KCNU1: variants seen among roughly 807,000 people sequenced by gnomAD.
KCNU1 encodes potassium channel subfamily U member 1.
KCNU1 carries 93 observed loss-of-function variants against 126.8 expected under a neutral mutation model. The ratio of observed to expected loss-of-function variants is 0.73; its 90% CI spans 0.62 to 0.87. KCNU1 has a LOEUF of 0.87. Ranked by LOEUF, KCNU1 falls within the 40% of genes least tolerant of loss-of-function variation. KCNU1 has a pLI of 0.00. For synonymous variants in KCNU1, 523 were observed against 494.2 expected (o/e 1.06, Z -0.77); for missense variants, 1,330 against 1,367.1 (o/e 0.97, Z 0.43).
intron 18 of KCNU1, among the ~76,000 whole-genome samples, chr8:36,850,911 T>G (rs1805319626): frequency 6.6e-6 from 1 of 152,266 alleles, no homozygotes. Flanking sequence ...GATTTATTTC[T>G]GGGTGTCAAT....
chr8:36,860,310 CT>C (rs1213346164), intron 18 of KCNU1, among the ~76,000 whole-genome samples: 5 of 152,230 alleles, frequency 3.3e-5, no homozygotes, highest in Non-Finnish European at 7.4e-5. Flanking sequence ...ATCTCCTGAC[CT>C]CTTGATCCAC....
intron 22 of KCNU1, among the ~76,000 whole-genome samples, chr8:36,916,667 GC>G (rs1027941213): frequency 3.3e-5 from 5 of 152,166 alleles, no homozygotes. Flanking sequence ...ATGATCTCTA[GC>G]CATCTGTGTA....
intron 18 of KCNU1, among the ~76,000 whole-genome samples, chr8:36,849,432 T>C (rs1805266525): frequency 6.6e-6 from 1 of 151,976 alleles, no homozygotes; most frequent in South Asian, 2.1e-4. Context: ...GTACTAAAAA[T>C]ACAAAAATTA....
chr8:36,865,610 TAAAA>T (rs36114647), intron 19 of KCNU1, among the ~76,000 whole-genome samples: 1 of 138,228 alleles, frequency 7.2e-6, no homozygotes, highest in Non-Finnish European at 1.6e-5. Context: ...CTGCAAAAAT[TAAAA>T]AAAAAAAAAA....
At position 36,817,739 on chromosome 8, in the gene KCNU1, C is replaced by T. The variant is rs1345043038; in HGVS notation, c.1085C>T (p.Thr362Ile). The part of the protein sequence containing the change: ...FLRDKSGEIN[T>I]EIVFLGETPP... ...CGCGACAAGTCAGGAGAGATCAACA[C>T]TGAAATTGTTTTCCTGGGAGAGTAA... The change falls in exon 10 of 27, where the codon ACT becomes ATT. Residue 362 changes from threonine to isoleucine, a missense_variant. Thr to Ile is a moderately conservative substitution (Grantham distance 89). Transcript: ENST00000399881. 1.9e-6 allele frequency: 3 copies of T among 1,601,664 alleles called. No individual in the cohort carries two copies. The highest frequency in any genetic ancestry group is 2.6e-6 in the Non-Finnish European group (3 of 1,168,822).
intron 18 of KCNU1, among the ~76,000 whole-genome samples, chr8:36,850,716 G>T (rs927665546): frequency 2.0e-5 from 3 of 152,084 alleles, no homozygotes; most frequent in African/African-American, 7.2e-5. Context: ...CTCAATCTCC[G>T]AAAGTGCTGG....
rs149318069 is a variant in KCNU1 at position 36,896,473 on chromosome 8, G to T, written c.2010-9235G>T. On this transcript the variant is annotated intron_variant, in intron 19 of 26. Coordinates refer to ENST00000399881, the MANE Select transcript of KCNU1 (RefSeq NM_001031836.3). ...TTGTTGGAAAATTCAGAAAAGTAGG[G>T]GTAAATAATACTTTTAAAGAGAAAT... Among the ~76,000 whole-genome samples the T allele has an allele frequency of 2.7e-3, 407 of 151,874 alleles. 4 individuals are homozygous for T. The highest frequency in any genetic ancestry group is 9.5e-3 in the African/African-American group (392 of 41,454).
chr8:36,825,651 T>C (rs1358964256), intron 10 of KCNU1, among the ~76,000 whole-genome samples: 1 of 152,204 alleles, frequency 6.6e-6, no homozygotes, highest in East Asian at 1.9e-4. Context: ...CTGAATAATG[T>C]ACATTGTACC....
intron 10 of KCNU1, among the ~76,000 whole-genome samples, chr8:36,819,060 G>C (rs989984857): frequency 1.3e-5 from 2 of 152,052 alleles, no homozygotes; most frequent in African/African-American, 4.8e-5. Flanking sequence ...TCTAACATGC[G>C]TTGTTGTATG....
In KCNU1 at chr8:36,787,657, T is replaced by G. The variant is rs371865688; in HGVS notation, c.315+232T>G. On this transcript the variant is annotated intron_variant, in intron 2 of 26. Transcript: ENST00000399881. ...ATTACTAATAATTAGATTATATTATTATAATAATTTTATAATATTAATATA... is the reference window on the plus strand; with the variant it reads ...ATTACTAATAATTAGATTATATTATGATAATAATTTTATAATATTAATATA... 1.8e-4 allele frequency among the ~76,000 whole-genome samples: 26 copies of G among 147,960 alleles called. 1 individual carries two copies. In the Middle Eastern group the frequency reaches 0.014, roughly 82 times the overall value.
At chr8:36,824,162 A>C (rs769359040) in intron 10 of KCNU1, among the ~76,000 whole-genome samples, 7 of 152,120 alleles carry the variant, frequency 4.6e-5, no homozygotes, top group Non-Finnish European at 8.8e-5. Context: ...TTTATTCCAA[A>C]ATATAATTCA....
At chr8:36,887,349 T>G (rs956768484) in intron 19 of KCNU1, among the ~76,000 whole-genome samples, 2 of 152,152 alleles carry the variant, frequency 1.3e-5, no homozygotes, top group African/African-American at 4.8e-5. Flanking sequence ...AAAGGTGATA[T>G]CTCATTGTGG....
chr8:36,819,766 A>G (rs1020982920), intron 10 of KCNU1, among the ~76,000 whole-genome samples: 3 of 152,068 alleles, frequency 2.0e-5, no homozygotes, highest in African/African-American at 7.2e-5. Context: ...ATCACAATCT[A>G]TAATTGTGGT....
chr8:36,919,322 C>T (rs1420729014), intron 23 of KCNU1, among the ~76,000 whole-genome samples: 1 of 150,136 alleles, frequency 6.7e-6, no homozygotes, highest in African/African-American at 2.5e-5. Flanking sequence ...ATGTGGGGTA[C>T]AGACTTAGAG....
intron 16 of KCNU1, among the ~76,000 whole-genome samples, chr8:36,844,495 T>C (rs999362956): frequency 2.6e-5 from 4 of 152,220 alleles, no homozygotes; most frequent in South Asian, 2.1e-4. Context: ...CTTCCAAAGT[T>C]AAAACCAATT....
intron 20 of KCNU1, among the ~76,000 whole-genome samples, chr8:36,907,353 T>C (rs911944818): frequency 1.3e-5 from 2 of 152,204 alleles, no homozygotes; most frequent in African/African-American, 2.4e-5. Flanking sequence ...ATTGCCTCTC[T>C]AGCTGTGCCC....
chr8:36,796,288 A>G (rs1803095728), intron 2 of KCNU1, among the ~76,000 whole-genome samples: 1 of 152,094 alleles, frequency 6.6e-6, no homozygotes, highest in South Asian at 2.1e-4. Context: ...TACTTCACGG[A>G]ATTTATGGAG....
intron 2 of KCNU1, among the ~76,000 whole-genome samples, chr8:36,792,064 T>G (rs1802922544): frequency 6.6e-6 from 1 of 152,188 alleles, no homozygotes; most frequent in South Asian, 2.1e-4. Context: ...CTTGTTTATG[T>G]TTTTTTCTAC....
At chr8:36,872,233 T>C (rs767690322) in intron 19 of KCNU1, among the ~76,000 whole-genome samples, 20 of 152,184 alleles carry the variant, frequency 1.3e-4, no homozygotes, top group Non-Finnish European at 2.6e-4. Flanking sequence ...CCTTTCATCA[T>C]GGATCAGGGA....
Sources: allele counts gnomAD v4.1 joint callset (sites outside exome capture counted in the v4.1 genomes callset), GRCh38; gene constraint gnomAD v4.1.1; transcripts MANE v1.5; gene names NCBI Gene and HGNC (gene_info 2026-07-23, HGNC 2026-07-21).